ASIC2: variants seen among roughly 807,000 people sequenced by gnomAD.
The protein encoded by ASIC2 is acid-sensing ion channel 2.
Under a neutral mutation model 57.3 loss-of-function variants are expected in ASIC2, and 25 were observed. That is an observed-to-expected ratio of 0.44 (90% CI 0.32 to 0.61). The LOEUF is 0.61. Among genes scored for constraint, ASIC2 ranks in the 20% least tolerant of loss-of-function variants. The pLI, the probability that ASIC2 is intolerant of heterozygous loss-of-function variation, is 0.06. For missense variants in ASIC2, 641 were observed against 738.1 expected (o/e 0.87, Z 1.52); for synonymous variants, 319 against 307.5 (o/e 1.04, Z -0.39).
intron 1 of ASIC2, among the ~76,000 whole-genome samples, chr17:33,771,999 C>T (rs1032954401): frequency 6.6e-6 from 1 of 152,220 alleles, no homozygotes; most frequent in South Asian, 2.1e-4. Context: ...GCCTCAGAAG[C>T]AGAAGCTTTT....
At chr17:33,281,423 C>G (rs777559616) in intron 1 of ASIC2, among the ~76,000 whole-genome samples, 3 of 152,204 alleles carry the variant, frequency 2.0e-5, no homozygotes, top group Non-Finnish European at 1.5e-5. Flanking sequence ...ACCTACACAC[C>G]TGTGCTGTGC....
chr17:33,065,402 T>C (rs1372827950), intron 3 of ASIC2, among the ~76,000 whole-genome samples: 1 of 151,926 alleles, frequency 6.6e-6, no homozygotes, highest in African/African-American at 2.4e-5. Flanking sequence ...CTCAGAATCC[T>C]GAGCTCAAGC....
intron 1 of ASIC2, among the ~76,000 whole-genome samples, chr17:33,527,320 T>G (rs1020958574): frequency 2.0e-5 from 3 of 152,126 alleles, no homozygotes; most frequent in Non-Finnish European, 2.9e-5. Context: ...GCTAAAGGCT[T>G]TATGTTCCAC....
At chr17:33,348,624 T>A (rs1039053916) in intron 1 of ASIC2, among the ~76,000 whole-genome samples, 5 of 151,816 alleles carry the variant, frequency 3.3e-5, no homozygotes, top group Non-Finnish European at 5.9e-5. Context: ...TTAGGGTGCA[T>A]GGAGCAGTGA....
At chr17:33,657,505 G>A (rs1403426846) in intron 1 of ASIC2, among the ~76,000 whole-genome samples, 1 of 152,098 alleles carries the variant, frequency 6.6e-6, no homozygotes, top group African/African-American at 2.4e-5. Flanking sequence ...CAGAGTATTG[G>A]GGGTCCTGAG....
intron 1 of ASIC2, among the ~76,000 whole-genome samples, chr17:33,688,576 C>T (rs530816612): frequency 2.4e-4 from 37 of 152,192 alleles, no homozygotes; most frequent in African/African-American, 7.7e-4. Flanking sequence ...GGGAACAAAG[C>T]GACTGTTGTA....
At chr17:33,647,727 A>C (rs1906789694) in intron 1 of ASIC2, among the ~76,000 whole-genome samples, 1 of 152,248 alleles carries the variant, frequency 6.6e-6, no homozygotes, top group Non-Finnish European at 1.5e-5. Flanking sequence ...AGGATGGGCA[A>C]AATGAAAGCC....
chr17:33,417,147 G>A (rs1169220412), intron 1 of ASIC2, among the ~76,000 whole-genome samples: 5 of 152,274 alleles, frequency 3.3e-5, no homozygotes, highest in Admixed American at 6.5e-5. Flanking sequence ...ACAGACTCTA[G>A]TAGGACGCTG....
At chr17:33,331,289 C>A (rs961831814) in intron 1 of ASIC2, among the ~76,000 whole-genome samples, 9 of 152,122 alleles carry the variant, frequency 5.9e-5, no homozygotes, top group African/African-American at 1.9e-4. Context: ...GGTTGGGGAT[C>A]GCTGCTTTGG....
At chr17:33,579,340 A>C (rs987439846) in intron 1 of ASIC2, among the ~76,000 whole-genome samples, 2 of 151,148 alleles carry the variant, frequency 1.3e-5, no homozygotes, top group Non-Finnish European at 1.5e-5. Flanking sequence ...CTCAGGGCAC[A>C]CTGGAACACG....
intron 1 of ASIC2, among the ~76,000 whole-genome samples, chr17:33,775,761 T>G (rs1013308347): frequency 1.2e-4 from 18 of 152,172 alleles, no homozygotes; most frequent in African/African-American, 4.8e-5. Flanking sequence ...GTGAGTCTCA[T>G]GTAAGCTCAG....
At chr17:33,942,786 G>A (rs562235450) in intron 1 of ASIC2, among the ~76,000 whole-genome samples, 17 of 152,290 alleles carry the variant, frequency 1.1e-4, no homozygotes, top group African/African-American at 3.8e-4. Context: ...TTCATCAGCC[G>A]AGCAATGAAG....
At chr17:33,204,724 T>A (rs1906997019) in intron 1 of ASIC2, among the ~76,000 whole-genome samples, 1 of 152,204 alleles carries the variant, frequency 6.6e-6, no homozygotes, top group African/African-American at 2.4e-5. Flanking sequence ...TGTGTGTGCA[T>A]GTGTGCATAT....
intron 1 of ASIC2, among the ~76,000 whole-genome samples, chr17:33,362,766 G>T (rs920061295): frequency 2.0e-5 from 3 of 152,134 alleles, no homozygotes; most frequent in African/African-American, 7.2e-5. Flanking sequence ...TGACATGAAA[G>T]AGACGCTCTT....
intron 1 of ASIC2, among the ~76,000 whole-genome samples, chr17:33,729,341 G>A (rs1909665163): frequency 6.6e-6 from 1 of 152,128 alleles, no homozygotes; most frequent in Non-Finnish European, 1.5e-5. Context: ...CCTCTAGGAT[G>A]GCACCAAGCT....
intron 1 of ASIC2, among the ~76,000 whole-genome samples, chr17:34,053,395 G>T (rs934322892): frequency 1.3e-5 from 2 of 152,110 alleles, no homozygotes; most frequent in Non-Finnish European, 2.9e-5. Context: ...GCTGTTTATT[G>T]TTGTCTTTGT....
chr17:34,119,085 C>G (rs550822636), intron 1 of ASIC2, among the ~76,000 whole-genome samples: 1 of 152,326 alleles, frequency 6.6e-6, no homozygotes, highest in South Asian at 2.1e-4. Flanking sequence ...CTTCCCCAGT[C>G]ATGGCTACTC....
chr17:33,022,789 C>G (rs1316739077), intron 6 of ASIC2, among the ~76,000 whole-genome samples: 1 of 152,126 alleles, frequency 6.6e-6, no homozygotes, highest in Admixed American at 6.5e-5. Flanking sequence ...GTGGGGCAGA[C>G]AGGTAACAAA....
At chr17:33,985,083 T>C (rs887042307) in intron 1 of ASIC2, among the ~76,000 whole-genome samples, 1 of 152,148 alleles carries the variant, frequency 6.6e-6, no homozygotes, top group Non-Finnish European at 1.5e-5. Context: ...GGCCCAGGCT[T>C]CTTCTAAACA....
Sources: allele counts gnomAD v4.1 joint callset (sites outside exome capture counted in the v4.1 genomes callset), GRCh38; gene constraint gnomAD v4.1.1; transcripts MANE v1.5; gene names NCBI Gene and HGNC (gene_info 2026-07-23, HGNC 2026-07-21).